Variants in SLC37A2 observed in about 807,000 individuals in gnomAD.
The protein encoded by SLC37A2 is solute carrier family 37 member 2, also known as glucose-6-phosphate exchanger SLC37A2.
Under a neutral mutation model 70.7 loss-of-function variants are expected in SLC37A2, and 59 were observed. The observed-to-expected ratio is 0.83, with a 90% CI of 0.68 to 1.04. The LOEUF is 1.04. Among genes scored for constraint, SLC37A2 ranks in the 50% least tolerant of loss-of-function variants. SLC37A2 has a pLI of 0.00. For synonymous variants in SLC37A2, 257 were observed against 262.1 expected (o/e 0.98, Z 0.19); for missense variants, 580 against 658.1 (o/e 0.88, Z 1.30).
At chr11:125,079,574 G>A (rs1949125556) in intron 5 of SLC37A2, 110 bp from the exon 6 acceptor site, 4 of 805,710 alleles carry the variant, frequency 5.0e-6, no homozygotes, top group Non-Finnish European at 8.2e-6. Flanking sequence ...TGTGGGGTAT[G>A]GAGGGCCCCT....
At chr11:125,076,642 G>A in intron 1 of SLC37A2, 115 bp from the exon 2 acceptor site, 1 of 924,384 alleles carries the variant, frequency 1.1e-6, no homozygotes, top group Non-Finnish European at 1.7e-6. Flanking sequence ...GAAGGAAAGA[G>A]TTGGTGGTCC....
intron 12 of SLC37A2, 65 bp downstream of exon 12, chr11:125,084,384 CTA>C (rs1949181220): frequency 1.3e-6 from 2 of 1,522,832 alleles, no homozygotes; most frequent in African/African-American, 1.4e-5. Flanking sequence ...GGCCTCTGGC[CTA>C]TGTGCACGTC....
Position 125,077,438 on chromosome 11 carries a change from A to G in SLC37A2, c.236-12A>G. On this transcript the variant is annotated splice_polypyrimidine_tract_variant and intron_variant, in intron 3 of 17. Transcript: ENST00000403796. Reference sequence around the variant, plus strand: ...ACGCAGTCAGCTTTCTGTTTCTCCCATCTGCTTTCAGACAAGGACAACTAT... The same window carrying G: ...ACGCAGTCAGCTTTCTGTTTCTCCCGTCTGCTTTCAGACAAGGACAACTAT... The G allele has an allele frequency of 6.2e-7, 1 of 1,612,684 alleles. No individual in the cohort carries two copies. Among genetic ancestry groups the G allele is most frequent in the African/African-American group, 1.3e-5 (1 of 74,982 alleles).
chr11:125,087,794 G>A (rs539441590), intron 17 of SLC37A2: 22 of 223,972 alleles, frequency 9.8e-5, no homozygotes, highest in African/African-American at 2.8e-4. Flanking sequence ...CACCACGCCC[G>A]GCTAATTTTG....
At chr11:125,068,078 C>T (rs573655351) in intron 1 of SLC37A2, among the ~76,000 whole-genome samples, 7 of 152,244 alleles carry the variant, frequency 4.6e-5, no homozygotes, top group African/African-American at 1.4e-4. Flanking sequence ...CTCAGTAATA[C>T]GCATAACATG....
intron 4 of SLC37A2, among the ~76,000 whole-genome samples, chr11:125,078,513 C>T (rs975016863): frequency 2.0e-5 from 3 of 151,756 alleles, no homozygotes; most frequent in Admixed American, 1.3e-4. Context: ...AGAGGTAGCC[C>T]GGTGAGTCTT....
intron 4 of SLC37A2, 27 bp downstream of exon 4, chr11:125,077,555 C>A: frequency 3.2e-6 from 5 of 1,585,794 alleles, no homozygotes; most frequent in Non-Finnish European, 4.3e-6. Context: ...AGCCTATGAC[C>A]AAGAGGAGGA....
At position 125,079,259 on chromosome 11, in the gene SLC37A2, C is replaced by T. The variant is rs374189583; in HGVS notation, c.450+12C>T. The T allele has an allele frequency of 7.9e-5, 128 of 1,613,938 alleles. No individual in the cohort carries two copies. The highest frequency in any genetic ancestry group is 4.8e-4 in the African/African-American group (36 of 75,032). On this transcript the variant is annotated intron_variant, in intron 5 of 17. Coordinates refer to ENST00000403796, the MANE Select transcript of SLC37A2 (RefSeq NM_001145290.2). ...TTGTGGTCATCCAGGTATGAATCAC[C>T]GTCTTGCACTTGGGCCTGTGTTGCC...
chr11:125,066,036 C>T lies in SLC37A2; in HGVS notation c.59+2610C>T, dbSNP rs576266017. ...GACAGTCATCCATCCCCAGTTCATG[C>T]GGTCCTGTGTGATTAATTCTGTCCC... On this transcript the variant is annotated intron_variant, in intron 1 of 17. Transcript: ENST00000403796. 8.2e-4 allele frequency among the ~76,000 whole-genome samples: 125 copies of T among 152,312 alleles called. 1 individual carries two copies. The highest frequency in any genetic ancestry group is 2.7e-3 in the African/African-American group (114 of 41,576).
At chr11:125,084,467 A>T in intron 12 of SLC37A2, 148 bp downstream of exon 12, 1 of 853,260 alleles carries the variant, frequency 1.2e-6, no homozygotes, top group East Asian at 2.7e-5. Flanking sequence ...GGGGGAGGAG[A>T]AGCGAGGGTC....
At position 125,080,536 on chromosome 11, in the gene SLC37A2, T is replaced by C; in HGVS notation, c.528-78T>C. The C allele has an allele frequency of 3.8e-6, 5 of 1,314,142 alleles. No individual in the cohort carries two copies. Among genetic ancestry groups the C allele is most frequent in the Non-Finnish European group, 5.0e-6 (5 of 1,003,608 alleles). 81.4% of individuals were successfully genotyped at this position (1,314,142 alleles called of 1,614,324 possible). A position where few individuals can be genotyped will look rare whatever the true frequency, so the allele number is the denominator to read the frequency against. ...CTGTAGTCAGCCCAGCTTTAGAGCT[T>C]GGCTGGGGCAGTTGCTATGAACAAT... On this transcript the variant is annotated intron_variant, in intron 6 of 17. Transcript: ENST00000403796. This position sits in a 1 kb window ranked among gnomAD's most constrained non-coding sequence, Gnocchi z 4.3.
chr11:125,068,614 G>A (rs1341666324), intron 1 of SLC37A2, among the ~76,000 whole-genome samples: 1 of 152,222 alleles, frequency 6.6e-6, no homozygotes, highest in Admixed American at 6.5e-5. Flanking sequence ...GAATGCAGAA[G>A]TCGGTTGGGG....
intron 13 of SLC37A2, 32 bp downstream of exon 13, chr11:125,084,905 AG>A: frequency 6.2e-7 from 1 of 1,612,522 alleles, no homozygotes; most frequent in Non-Finnish European, 8.5e-7. Context: ...CTGCCAGGCC[AG>A]GGGAAAGGCA....
chr11:125,085,751 C>A (rs904431440), intron 16 of SLC37A2, 77 bp downstream of exon 16: 10 of 1,513,148 alleles, frequency 6.6e-6, no homozygotes, highest in African/African-American at 1.4e-5. Context: ...AGGTCCAAAG[C>A]GTTGGCCATT....
At position 125,080,223 on chromosome 11, in the gene SLC37A2, G is replaced by A. The variant is rs1328636217; in HGVS notation, c.528-391G>A. 6.6e-6 allele frequency among the ~76,000 whole-genome samples: 1 copy of A among 152,274 alleles called. No homozygotes were observed. The highest frequency in any genetic ancestry group is 2.1e-4 in the South Asian group (1 of 4,826). On this transcript the variant is annotated intron_variant, in intron 6 of 17. Transcript: ENST00000403796. The surrounding 1 kb of genome is among the most constrained non-coding windows in gnomAD (Gnocchi z 4.3). The stretch of plus-strand genomic sequence containing the variant: ...CTCACTGGATGCCATAGCACACCCT[G>A]AGCTGTGACCATGAAAAATCTCTAG...
chr11:125,073,926 G>C (rs993544770), intron 1 of SLC37A2, among the ~76,000 whole-genome samples: 4 of 152,146 alleles, frequency 2.6e-5, no homozygotes, highest in Non-Finnish European at 5.9e-5. Context: ...TGCCGACCTG[G>C]GAACTCCCGC....
chr11:125,080,892 T>G lies in SLC37A2; in HGVS notation c.694+112T>G, dbSNP rs781455311. ...GGTCACAGAGTGGGAGGACCAGCCG[T>G]GTGACTTTGGACAATCTTTCAGAGC... On this transcript the variant is annotated intron_variant, in intron 7 of 17. Transcript: ENST00000403796. This position sits in a 1 kb window ranked among gnomAD's most constrained non-coding sequence, Gnocchi z 4.3. The G allele has an allele frequency of 6.6e-6, 6 of 914,106 alleles. No homozygotes were observed. Among genetic ancestry groups the G allele is most frequent in the African/African-American group, 1.7e-5 (1 of 58,560 alleles). The allele number at this position is 914,106 out of a possible 1,614,324, so 56.6% of individuals were successfully genotyped here.
chr11:125,088,097 C>A (rs957542703), intron 17 of SLC37A2, 22 bp from the exon 18 acceptor site: 41 of 1,551,478 alleles, frequency 2.6e-5, no homozygotes, highest in Non-Finnish European at 3.4e-5. Flanking sequence ...TCTCTTCTGT[C>A]CCCCCTCTCC....
rs368528352 is a variant in SLC37A2, at chr11:125,085,364, T to C, written c.1249-31T>C. 1.6e-5 allele frequency: 25 copies of C among 1,604,252 alleles called. No homozygotes were observed. The African/African-American group carries it at 3.3e-4, about 21-fold the overall frequency. On this transcript the variant is annotated intron_variant, in intron 14 of 17. Transcript: ENST00000403796. ...GGTTCTGCTCATGCTGCTGCTCAGC[T>C]GGGCTTCCCCACTCCACTGTCTCTC...
Sources: gnomAD v4.1 joint callset for allele counts (sites outside exome capture counted in the v4.1 genomes callset) on GRCh38, gnomAD v4.1.1 for gene constraint, Gnocchi (gnomAD v3.1) non-coding constraint, MANE v1.5 for transcripts, NCBI Gene and HGNC (gene_info 2026-07-23, HGNC 2026-07-21) for gene names.